The following UMAD1 variants were observed in gnomAD, a reference collection of about 807,000 sequenced individuals.
UMAD1 encodes UBAP1-MVB12-associated (UMA) domain containing 1.
A neutral mutation model predicts 6.1 loss-of-function variants in UMAD1; 8 were observed. The ratio of observed to expected loss-of-function variants is 1.30; its 90% CI spans 0.76 to 2.35. The LOEUF is 2.35. UMAD1 is among the 30% of genes most tolerant of loss of function. The pLI is 0.00. For synonymous variants in UMAD1, 56 were observed against 31.4 expected (o/e 1.78, Z -2.61); for missense variants, 130 against 78.4 (o/e 1.66, Z -2.49).
intron 1 of UMAD1, among the ~76,000 whole-genome samples, chr7:7,652,332 A>T (rs988839261): frequency 6.6e-6 from 1 of 152,204 alleles, no homozygotes; most frequent in Non-Finnish European, 1.5e-5. Flanking sequence ...AGTTTGACTC[A>T]GACTTTGAGA....
intron 2 of UMAD1, among the ~76,000 whole-genome samples, chr7:7,782,170 TG>T (rs1429774593): frequency 6.6e-6 from 1 of 151,888 alleles, no homozygotes; most frequent in African/African-American, 2.4e-5. Context: ...TTCTCTGTTT[TG>T]TTTTTTTAAG....
intron 3 of UMAD1, among the ~76,000 whole-genome samples, chr7:7,832,793 C>T (rs1783490551): frequency 6.6e-6 from 1 of 152,166 alleles, no homozygotes; most frequent in African/African-American, 2.4e-5. Context: ...TGTCTGCAAG[C>T]TGTAGTAAGT....
intron 3 of UMAD1, among the ~76,000 whole-genome samples, chr7:7,840,043 G>A (rs1783648517): frequency 2.0e-5 from 3 of 152,154 alleles, no homozygotes; most frequent in Admixed American, 6.5e-5. Flanking sequence ...GAGAATTCAA[G>A]CTGGATGAAG....
chr7:7,641,972 A>G (rs1469072360), intron 1 of UMAD1, among the ~76,000 whole-genome samples: 1 of 152,204 alleles, frequency 6.6e-6, no homozygotes, highest in Non-Finnish European at 1.5e-5. Flanking sequence ...CATTAAACAG[A>G]TGTAGAATGT....
chr7:7,794,625 T>G (rs1424314895), intron 2 of UMAD1, among the ~76,000 whole-genome samples: 2 of 152,168 alleles, frequency 1.3e-5, no homozygotes, highest in Non-Finnish European at 2.9e-5. Context: ...ACAGACTCTT[T>G]GTAGCAGTAA....
At chr7:7,774,453 T>C (rs1361038714) in intron 2 of UMAD1, among the ~76,000 whole-genome samples, 1 of 152,156 alleles carries the variant, frequency 6.6e-6, no homozygotes, top group African/African-American at 2.4e-5. Context: ...TGTTTCTTCA[T>C]GTATAGAGTG....
intron 2 of UMAD1, among the ~76,000 whole-genome samples, chr7:7,792,933 G>T (rs115628037): frequency 1.1e-4 from 17 of 152,076 alleles, no homozygotes; most frequent in Non-Finnish European, 2.4e-4. Context: ...CTAATCACTC[G>T]TGAGGGCTCC....
intron 3 of UMAD1, among the ~76,000 whole-genome samples, chr7:7,851,095 C>G (rs943789813): frequency 5.3e-5 from 8 of 152,112 alleles, no homozygotes; most frequent in African/African-American, 1.4e-4. Context: ...CACAACTAAT[C>G]TATTCTGTCT....
intron 2 of UMAD1, among the ~76,000 whole-genome samples, chr7:7,796,536 C>T (rs1583831612): frequency 6.6e-6 from 1 of 152,116 alleles, no homozygotes; most frequent in East Asian, 1.9e-4. Context: ...CAGGCGTGAG[C>T]CACCGTGCCC....
At chr7:7,795,034 C>T (rs1432826694) in intron 2 of UMAD1, among the ~76,000 whole-genome samples, 2 of 152,214 alleles carry the variant, frequency 1.3e-5, no homozygotes, top group Admixed American at 6.5e-5. Context: ...ATCTTTGAAT[C>T]CAACTATGAC....
intron 2 of UMAD1, 80 bp from the exon 3 acceptor site, chr7:7,801,590 A>T (rs989557567): frequency 3.0e-6 from 2 of 663,352 alleles, no homozygotes; most frequent in African/African-American, 3.6e-5. Flanking sequence ...ATAACAAAAG[A>T]TACTTCAAAC....
chr7:7,785,667 A>G (rs1782448489), intron 2 of UMAD1, among the ~76,000 whole-genome samples: 2 of 152,240 alleles, frequency 1.3e-5, no homozygotes, highest in South Asian at 4.1e-4. Context: ...ATGGTAGCCT[A>G]AACTTGAGTA....
At chr7:7,791,920 A>G in intron 2 of UMAD1, among the ~76,000 whole-genome samples, 1 of 152,250 alleles carries the variant, frequency 6.6e-6, no homozygotes, top group East Asian at 1.9e-4. Flanking sequence ...ACACTAATAT[A>G]TTTTAACGTA....
chr7:7,673,575 A>C (rs1779665790), intron 2 of UMAD1, 122 bp downstream of exon 2: 1 of 618,648 alleles, frequency 1.6e-6, no homozygotes, highest in African/African-American at 1.8e-5. Flanking sequence ...TATGTGTTTA[A>C]TTTTTAAAGC....
At position 7,847,092 on chromosome 7, in the gene UMAD1, AAAAAAAAAAAAAATATATATATATAT is replaced by A. The variant is rs1184551740; in HGVS notation, c.157-30187_157-30162del. 1.8e-3 allele frequency among the ~76,000 whole-genome samples: 54 copies of A among 29,242 alleles called. 5 individuals carry two copies. Among genetic ancestry groups the A allele is most frequent in the African/African-American group, 0.012 (52 of 4,362 alleles). 19.2% of individuals were successfully genotyped at this position (29,242 alleles called of 152,430 possible). On this transcript the variant is annotated intron_variant, in intron 3 of 3. Coordinates refer to ENST00000682710, the MANE Select transcript of UMAD1 (RefSeq NM_001302348.2). Reference sequence around the variant, plus strand: ...AAAAAAAAAAGACAGCAATGCAAAAAAAAAAAAAAAAAATATATATATATATATATATATATATATATATATATATA... The same window carrying A: ...AAAAAAAAAAGACAGCAATGCAAAAAATATATATATATATATATATATATA...
At chr7:7,865,617 C>T (rs1784211541) in intron 3 of UMAD1, among the ~76,000 whole-genome samples, 2 of 152,202 alleles carry the variant, frequency 1.3e-5, no homozygotes. Flanking sequence ...CTTGCCTACC[C>T]TCCTTTGCAG....
intron 3 of UMAD1, among the ~76,000 whole-genome samples, chr7:7,843,435 C>G (rs547902504): frequency 2.0e-5 from 3 of 152,184 alleles, no homozygotes; most frequent in African/African-American, 7.2e-5. Flanking sequence ...ACTGTTCTTC[C>G]GATTGCTTAG....
chr7:7,731,028 T>G (rs1781239060), intron 2 of UMAD1, among the ~76,000 whole-genome samples: 1 of 152,220 alleles, frequency 6.6e-6, no homozygotes, highest in African/African-American at 2.4e-5. Context: ...ACATGGTGTC[T>G]TGCTCTGTCA....
chr7:7,860,404 A>G (rs1380345678), intron 3 of UMAD1, among the ~76,000 whole-genome samples: 3 of 151,956 alleles, frequency 2.0e-5, no homozygotes, highest in East Asian at 3.8e-4. Context: ...CTGTATTCCT[A>G]TATTCATCAA....
Sources: gnomAD v4.1 joint callset for allele counts (sites outside exome capture counted in the v4.1 genomes callset) on GRCh38, gnomAD v4.1.1 for gene constraint, MANE v1.5 for transcripts, NCBI Gene and HGNC (gene_info 2026-07-23, HGNC 2026-07-21) for gene names.